Variants in CRPPA observed in about 807,000 individuals in gnomAD.
The protein encoded by CRPPA is D-ribitol-5-phosphate cytidylyltransferase.
CRPPA carries 43 observed loss-of-function variants against 52.0 expected under a neutral mutation model. The ratio of observed to expected loss-of-function variants is 0.83; its 90% CI spans 0.65 to 1.07. CRPPA has a LOEUF of 1.07. Ranked by LOEUF, CRPPA falls within the 50% of genes least tolerant of loss-of-function variation. The pLI, the probability that CRPPA is intolerant of heterozygous loss-of-function variation, is 0.00. For synonymous variants in CRPPA, 250 were observed against 203.5 expected, an observed-to-expected ratio of 1.23 and a Z score of -1.94; for missense variants, 629 against 551.7, an observed-to-expected ratio of 1.14 and a Z score of -1.40.
intron 9 of CRPPA, among the ~76,000 whole-genome samples, chr7:16,142,895 T>TCA (rs1782901001): frequency 6.6e-6 from 1 of 152,160 alleles, no homozygotes; most frequent in Non-Finnish European, 1.5e-5. Flanking sequence ...TAATAACAAT[T>TCA]CACCAAGATG....
chr7:16,121,483 CAAT>C (rs1431908762), intron 9 of CRPPA, among the ~76,000 whole-genome samples: 2 of 151,864 alleles, frequency 1.3e-5, no homozygotes, highest in Admixed American at 1.3e-4. Flanking sequence ...TCTCTTGGAT[CAAT>C]AATAATAAAA....
chr7:16,332,957 A>T (rs1421925502), intron 3 of CRPPA, among the ~76,000 whole-genome samples: 5 of 152,296 alleles, frequency 3.3e-5, no homozygotes, highest in South Asian at 2.1e-4. Context: ...CGCTAACATT[A>T]TCAAAAGACG....
intron 3 of CRPPA, among the ~76,000 whole-genome samples, chr7:16,335,171 A>G (rs1785649320): frequency 6.6e-6 from 1 of 151,174 alleles, no homozygotes; most frequent in South Asian, 2.1e-4. Context: ...AAAAAAAAAA[A>G]AAAAAAAGGA....
At chr7:16,380,466 C>T (rs1787050764) in intron 2 of CRPPA, among the ~76,000 whole-genome samples, 2 of 152,100 alleles carry the variant, frequency 1.3e-5, no homozygotes, top group South Asian at 4.1e-4. Context: ...TTAGTTGTGT[C>T]TCTGCCCGGC....
At chr7:16,242,053 G>A (rs1397388657) in intron 8 of CRPPA, among the ~76,000 whole-genome samples, 3 of 143,336 alleles carry the variant, frequency 2.1e-5, no homozygotes, top group East Asian at 4.2e-4. Context: ...GGGTTCCAGC[G>A]ATTCTTCTGC....
chr7:16,102,005 C>T (rs1450775727), intron 9 of CRPPA, among the ~76,000 whole-genome samples: 1 of 152,118 alleles, frequency 6.6e-6, no homozygotes, highest in Non-Finnish European at 1.5e-5. Flanking sequence ...CCAAGACAAT[C>T]CTAAGCAAAA....
chr7:16,109,194 A>T lies in CRPPA; in HGVS notation c.1252-17395T>A, dbSNP rs557776141. On this transcript the variant is annotated intron_variant, in intron 9 of 9. Transcript: ENST00000407010. ...ACCTTTAGGCAGAGTAAGAGAAAAG[A>T]GAAGACTCAAATAAAATATAAATGA... Among the ~76,000 whole-genome samples, 55 of 151,890 alleles carry T rather than the reference A, an allele frequency of 3.6e-4. 1 individual carries two copies. The highest frequency in any genetic ancestry group is 7.2e-4 in the Non-Finnish European group (49 of 67,784).
At chr7:16,213,590 T>C (rs1056309584) in intron 9 of CRPPA, among the ~76,000 whole-genome samples, 17 of 151,942 alleles carry the variant, frequency 1.1e-4, no homozygotes, top group African/African-American at 3.9e-4. Flanking sequence ...CTCTACTACA[T>C]ATACAAAATT....
intron 9 of CRPPA, among the ~76,000 whole-genome samples, chr7:16,174,203 A>C (rs1209748595): frequency 6.6e-6 from 1 of 152,202 alleles, no homozygotes; most frequent in African/African-American, 2.4e-5. Flanking sequence ...GTGATGGCCC[A>C]ATAGCATCAT....
intron 3 of CRPPA, among the ~76,000 whole-genome samples, chr7:16,327,542 G>C (rs770280816): frequency 1.4e-5 from 2 of 144,408 alleles, no homozygotes; most frequent in Non-Finnish European, 3.0e-5. Context: ...GCAGTGAGCC[G>C]AGATTGCGCC....
At chr7:16,287,362 C>T (rs571281804) in intron 5 of CRPPA, among the ~76,000 whole-genome samples, 16 of 152,268 alleles carry the variant, frequency 1.1e-4, no homozygotes, top group African/African-American at 3.9e-4. Context: ...AACTCCTGAA[C>T]TCTGCTTATG....
intron 3 of CRPPA, among the ~76,000 whole-genome samples, chr7:16,326,880 G>C (rs1785405664): frequency 8.2e-6 from 1 of 121,514 alleles, no homozygotes; most frequent in African/African-American, 2.8e-5. Flanking sequence ...ATTTTGTCAA[G>C]AGCCTAAATA....
At chr7:16,286,562 A>ATGAACGGATGC (rs72323274) in intron 5 of CRPPA, among the ~76,000 whole-genome samples, 2 of 151,666 alleles carry the variant, frequency 1.3e-5, no homozygotes, top group African/African-American at 4.8e-5. Context: ...TTACTCATCA[A>ATGAACGGATGC]TTCCTACCAA....
intron 9 of CRPPA, among the ~76,000 whole-genome samples, chr7:16,187,673 T>C (rs943431096): frequency 1.3e-5 from 2 of 152,182 alleles, no homozygotes; most frequent in African/African-American, 2.4e-5. Context: ...GAAGGCTTCA[T>C]GTGAAGAAAA....
chr7:16,353,915 G>A (rs1021489761), intron 3 of CRPPA, among the ~76,000 whole-genome samples: 1 of 152,056 alleles, frequency 6.6e-6, no homozygotes, highest in African/African-American at 2.4e-5. Flanking sequence ...GATGGGTATA[G>A]TAATTAGCCT....
chr7:16,398,125 A>G (rs1488762369), intron 2 of CRPPA, among the ~76,000 whole-genome samples: 1 of 152,108 alleles, frequency 6.6e-6, no homozygotes, highest in East Asian at 1.9e-4. Context: ...GATTGACATT[A>G]TTCGCACTTG....
rs187251705 is a variant in CRPPA at position 16,155,801 on chromosome 7, G to A, written c.1251+60265C>T. ...TTTTAACTGTGCAGTGGGTCAGCAC[G>A]TCAATTCCCACATTAGTCAAGGGTC... On this transcript the variant is annotated intron_variant, in intron 9 of 9. Coordinates refer to ENST00000407010, the MANE Select transcript of CRPPA (RefSeq NM_001101426.4). 2.6e-3 allele frequency among the ~76,000 whole-genome samples: 399 copies of A among 152,218 alleles called. 1 individual carries two copies. Among genetic ancestry groups the A allele is most frequent in the Non-Finnish European group, 4.3e-3 (295 of 68,016 alleles).
intron 2 of CRPPA, among the ~76,000 whole-genome samples, chr7:16,387,068 T>TATATACAC (rs1554352504): frequency 1.0e-4 from 7 of 68,740 alleles, no homozygotes; most frequent in African/African-American, 4.6e-4. Flanking sequence ...TATATATATA[T>TATATACAC]ATATATATAT....
intron 8 of CRPPA, among the ~76,000 whole-genome samples, chr7:16,258,025 A>G (rs1783689231): frequency 1.3e-5 from 2 of 152,136 alleles, no homozygotes; most frequent in Admixed American, 1.3e-4. Context: ...TTTTCCTCAC[A>G]TTAACATCTG....
Sources: allele counts gnomAD v4.1 joint callset (sites outside exome capture counted in the v4.1 genomes callset), GRCh38; gene constraint gnomAD v4.1.1; transcripts MANE v1.5; gene names NCBI Gene and HGNC (gene_info 2026-07-23, HGNC 2026-07-21).